LRFN5: variants seen among roughly 807,000 people sequenced by gnomAD.
The protein encoded by LRFN5 is leucine rich repeat and fibronectin type III domain containing 5, also known as leucine-rich repeat and fibronectin type-III domain-containing protein 5.
Under a neutral mutation model 45.6 loss-of-function variants are expected in LRFN5, and 24 were observed. The observed-to-expected ratio is 0.53, with a 90% CI of 0.38 to 0.74. The LOEUF (loss-of-function observed/expected upper bound fraction) is 0.74. Among genes scored for constraint, LRFN5 ranks in the 30% least tolerant of loss-of-function variants. LRFN5 has a pLI of 0.00. For missense variants in LRFN5, 776 were observed against 861.5 expected, an observed-to-expected ratio of 0.90 and a Z score of 1.24; for synonymous variants, 340 against 313.8, an observed-to-expected ratio of 1.08 and a Z score of -0.88.
intron 2 of LRFN5, among the ~76,000 whole-genome samples, chr14:41,781,588 GAAAGAAAGAAA>G (rs1886502390): frequency 1.1e-5 from 1 of 90,174 alleles, no homozygotes; most frequent in Non-Finnish European, 2.2e-5. Flanking sequence ...AAGAAAGAAA[GAAAGAAAGAAA>G]GAAAGAAAGA....
chr14:41,637,257 G>C lies in LRFN5; in HGVS notation c.-197+28695G>C, dbSNP rs565428936. Reference sequence around the variant, plus strand: ...TTAATTTCATGATTGTAACTAGGGAGAGTTGTTCTCTTTTCTTGTGCTTCC... The same window carrying C: ...TTAATTTCATGATTGTAACTAGGGACAGTTGTTCTCTTTTCTTGTGCTTCC... On this transcript the variant is annotated intron_variant, in intron 1 of 5. Transcript: ENST00000298119. 1.2e-3 allele frequency among the ~76,000 whole-genome samples: 183 copies of C among 152,248 alleles called. 1 individual carries two copies. The highest frequency in any genetic ancestry group is 3.2e-3 in the African/African-American group (135 of 41,552).
intron 1 of LRFN5, among the ~76,000 whole-genome samples, chr14:41,670,113 T>C (rs1015025447): frequency 1.4e-5 from 2 of 140,422 alleles, no homozygotes; most frequent in African/African-American, 5.3e-5. Flanking sequence ...ATCTATACAT[T>C]CATATATATA....
chr14:41,831,563 T>C (rs566694828), intron 2 of LRFN5, among the ~76,000 whole-genome samples: 1 of 152,318 alleles, frequency 6.6e-6, no homozygotes, highest in African/African-American at 2.4e-5. Flanking sequence ...TATCTCTATA[T>C]ATATGCTTGG....
chr14:41,769,817 C>T (rs1408616706), intron 2 of LRFN5, among the ~76,000 whole-genome samples: 1 of 152,072 alleles, frequency 6.6e-6, no homozygotes, highest in Non-Finnish European at 1.5e-5. Context: ...GTATTCTTTA[C>T]TAAACATTAA....
Position 41,781,558 on chromosome 14 carries a change from G to GAGAAAGAAGGAA in LRFN5, c.-21+14537_-21+14538insGGAAAGAAAGAA, listed in dbSNP as rs1327669427. Among the ~76,000 whole-genome samples, 26 of 106,992 alleles carry GAGAAAGAAGGAA rather than the reference G, an allele frequency of 2.4e-4. 1 individual carries two copies. The highest frequency in any genetic ancestry group is 9.0e-4 in the African/African-American group (24 of 26,640). 70.2% of individuals were successfully genotyped at this position (106,992 alleles called of 152,430 possible). On this transcript the variant is annotated intron_variant, in intron 2 of 5. Coordinates refer to ENST00000298119, the MANE Select transcript of LRFN5 (RefSeq NM_152447.5). The stretch of plus-strand genomic sequence containing the variant: ...AGGAAGGAAGGAAGGAGAAAAGAAA[G>GAGAAAGAAGGAA]AGAAAGAAAGAAAGAAAGAAAGAAA...
chr14:41,887,017 A>G lies in LRFN5; in HGVS notation c.392A>G (p.Asn131Ser), dbSNP rs778870148. 1.2e-6 allele frequency: 2 copies of G among 1,614,156 alleles called. No homozygotes were observed. Among genetic ancestry groups the G allele is most frequent in the South Asian group, 1.1e-5 (1 of 91,076 alleles). ...GLSNLHHLIL[N>S]NNQLTLISST... ...TCCAATCTTCATCATTTGATACTGA[A>G]CAACAATCAGCTGACTTTAATTTCC... Residue 131 changes from asparagine to serine, a missense_variant, in exon 3 of 6, where the codon AAC becomes AGC. Around this residue, in one of 2 missense-constraint regions of LRFN5, gnomAD observed 311 missense variants for 405.1 expected, o/e 0.77. Transcript: ENST00000298119. This position sits in a 1 kb window ranked among gnomAD's most constrained non-coding sequence, Gnocchi z 4.8.
intron 3 of LRFN5, among the ~76,000 whole-genome samples, chr14:41,889,502 C>T (rs1398403254): frequency 6.6e-6 from 1 of 152,066 alleles, no homozygotes; most frequent in Non-Finnish European, 1.5e-5. Flanking sequence ...ATACCCCTCC[C>T]CACCCCACAC....
chr14:41,650,047 G>T (rs1386762688), intron 1 of LRFN5, among the ~76,000 whole-genome samples: 1 of 151,974 alleles, frequency 6.6e-6, no homozygotes, highest in East Asian at 1.9e-4. Context: ...TTGCGTTTTA[G>T]TTAAAAGTAA....
chr14:41,840,190 T>C (rs1438026619), intron 2 of LRFN5, among the ~76,000 whole-genome samples: 1 of 152,088 alleles, frequency 6.6e-6, no homozygotes, highest in African/African-American at 2.4e-5. Context: ...ATTAGTCTGG[T>C]ACGCTGATTA....
intron 3 of LRFN5, among the ~76,000 whole-genome samples, chr14:41,889,746 T>G (rs548295480): frequency 6.6e-6 from 1 of 152,314 alleles, no homozygotes; most frequent in Non-Finnish European, 1.5e-5. Context: ...AAATGTTTAG[T>G]AATGCCTGTT....
intron 2 of LRFN5, among the ~76,000 whole-genome samples, chr14:41,784,829 A>G (rs769626322): frequency 5.9e-5 from 9 of 151,956 alleles, no homozygotes; most frequent in Non-Finnish European, 8.8e-5. Flanking sequence ...GAGTTTCACC[A>G]TGTTAGTCAG....
chr14:41,849,729 C>T (rs61988417), intron 2 of LRFN5, among the ~76,000 whole-genome samples: 1,636 of 151,976 alleles, frequency 0.011, 7 homozygotes, highest in Admixed American at 0.017. Flanking sequence ...TCAGTTAATG[C>T]GTCGGCTCAA....
At chr14:41,846,018 C>G (rs1889049155) in intron 2 of LRFN5, among the ~76,000 whole-genome samples, 1 of 151,750 alleles carries the variant, frequency 6.6e-6, no homozygotes, top group Non-Finnish European at 1.5e-5. Context: ...AGAGCCCCTT[C>G]CATAACTGTT....
chr14:41,659,349 G>A (rs959165512), intron 1 of LRFN5, among the ~76,000 whole-genome samples: 3 of 151,958 alleles, frequency 2.0e-5, no homozygotes, highest in African/African-American at 7.3e-5. Flanking sequence ...ATGGTTTCCA[G>A]CTTCATCCCT....
At chr14:41,723,156 A>C (rs1040994048) in intron 1 of LRFN5, among the ~76,000 whole-genome samples, 3 of 152,198 alleles carry the variant, frequency 2.0e-5, no homozygotes, top group Non-Finnish European at 4.4e-5. Flanking sequence ...GGGGTGCCTC[A>C]GGCTGCTGAA....
At chr14:41,745,294 C>CA (rs1241176648) in intron 1 of LRFN5, among the ~76,000 whole-genome samples, 2 of 151,818 alleles carry the variant, frequency 1.3e-5, no homozygotes, top group African/African-American at 4.8e-5. Flanking sequence ...ACAAATGGGT[C>CA]AAAAATCACA....
intron 1 of LRFN5, among the ~76,000 whole-genome samples, chr14:41,680,823 G>C (rs1457605227): frequency 3.3e-5 from 5 of 152,052 alleles, no homozygotes; most frequent in African/African-American, 9.7e-5. Context: ...CTTTCAGATA[G>C]AGAATTCAAA....
chr14:41,660,432 A>G (rs1419287734), intron 1 of LRFN5, among the ~76,000 whole-genome samples: 1 of 152,096 alleles, frequency 6.6e-6, no homozygotes, highest in African/African-American at 2.4e-5. Context: ...ATGGATTACA[A>G]TTGTATCCTG....
intron 2 of LRFN5, among the ~76,000 whole-genome samples, chr14:41,775,682 A>G (rs982667123): frequency 5.3e-5 from 8 of 152,216 alleles, no homozygotes; most frequent in Non-Finnish European, 1.0e-4. Context: ...GAAATCATCC[A>G]CAATTGAAAA....
Sources: gnomAD v4.1 joint callset for allele counts (sites outside exome capture counted in the v4.1 genomes callset) on GRCh38, gnomAD v4.1.1 for gene constraint, gnomAD v4.1.1 regional missense constraint, Gnocchi (gnomAD v3.1) non-coding constraint, MANE v1.5 for transcripts, NCBI Gene and HGNC (gene_info 2026-07-23, HGNC 2026-07-21) for gene names.